IDI2: variants seen among roughly 807,000 people sequenced by gnomAD.
The protein encoded by IDI2 is isopentenyl-diphosphate delta isomerase 2.
Under a neutral mutation model 14.8 loss-of-function variants are expected in IDI2, and 18 were observed. That is an observed-to-expected ratio of 1.22 (90% confidence interval 0.84 to 1.80). The LOEUF (loss-of-function observed/expected upper bound fraction) is 1.80. Ranked by LOEUF, IDI2 falls within the 40% of genes most tolerant of loss-of-function variation. The pLI, the probability that IDI2 is intolerant of heterozygous loss-of-function variation, is 0.00. For synonymous variants in IDI2, 133 were observed against 109.6 expected, an observed-to-expected ratio of 1.21 and a Z score of -1.33; for missense variants, 316 against 283.2, an observed-to-expected ratio of 1.12 and a Z score of -0.83.
At chr10:1,021,723 C>T (rs1832105165) in intron 3 of IDI2, among the ~76,000 whole-genome samples, 1 of 152,192 alleles carries the variant, frequency 6.6e-6, no homozygotes, top group African/African-American at 2.4e-5. Context: ...TTGCATTCAG[C>T]TCCATCAAGG....
chr10:1,022,711 C>A lies in IDI2; in HGVS notation c.207G>T (p.Gln69His). ...GAAACGTGACTTTCGTGTCCGACCT[C>A]TGCTGTATCAGGATTCGATTCTTGG... ...FNTKNRILIQ[Q>H]RSDTKVTFPG... The change falls in exon 3 of 5, where the codon CAG becomes CAT. Residue 69 changes from glutamine (Q) to histidine (H), a missense_variant. Transcript: ENST00000277517. 1 of 1,614,118 alleles carries A rather than the reference C, an allele frequency of 6.2e-7. No individual in the cohort carries two copies. The highest frequency in any genetic ancestry group is 8.5e-7 in the Non-Finnish European group (1 of 1,179,978).
At chr10:1,025,030 A>ATG (rs1832189815) in intron 1 of IDI2, among the ~76,000 whole-genome samples, 1 of 149,624 alleles carries the variant, frequency 6.7e-6, no homozygotes, top group Non-Finnish European at 1.5e-5. Flanking sequence ...ACACACACAC[A>ATG]CACACACACA....
chr10:1,019,386 A>G lies in IDI2; in HGVS notation c.*131T>C. On this transcript the variant is annotated 3_prime_UTR_variant, in exon 5 of 5. Transcript: ENST00000277517. The stretch of plus-strand genomic sequence containing the variant: ...ACAAAGTTGATGAAAAGGTTGAAAT[A>G]GTGATTTATACATGATGGGCAATCA... 1 of 615,678 alleles carries G rather than the reference A, an allele frequency of 1.6e-6. No individual in the cohort carries two copies. Among genetic ancestry groups the G allele is most frequent in the East Asian group, 2.8e-5 (1 of 35,482 alleles). 38.1% of individuals were successfully genotyped at this position (615,678 alleles called of 1,614,324 possible).
In IDI2 at chr10:1,024,709, A is replaced by T. The variant is rs754460737; in HGVS notation, c.15T>A (p.Asn5Lys). The T allele has an allele frequency of 3.1e-6, 5 of 1,614,158 alleles. No homozygotes were observed. The South Asian group carries it at 4.4e-5, about 14-fold the overall frequency. The change falls in exon 2 of 5, where the codon AAT (asparagine) becomes AAA (lysine). Residue 5 changes from asparagine (N) to lysine (K), a missense_variant. Asn to Lys is a moderately conservative substitution (Grantham distance 94). Transcript: ENST00000277517. MSDI[N>K]LDWVDRRQLQ... ...ACTGACGCCTGTCAACCCAGTCAAG[A>T]TTTATGTCAGACATAGCTGCTGGCT... is the stretch of plus-strand genomic sequence containing the variant.
intron 3 of IDI2, among the ~76,000 whole-genome samples, chr10:1,022,458 A>C (rs1453953798): frequency 6.6e-6 from 1 of 152,166 alleles, no homozygotes; most frequent in Non-Finnish European, 1.5e-5. Flanking sequence ...AAACAAAAAA[A>C]CCCAGAAACT....
In IDI2 at chr10:1,019,554, G is replaced by T. The variant is rs1832051573; in HGVS notation, c.647C>A (p.Thr216Asn). 1.2e-6 allele frequency: 2 copies of T among 1,613,658 alleles called. No individual in the cohort carries two copies. Among genetic ancestry groups the T allele is most frequent in the Non-Finnish European group, 1.7e-6 (2 of 1,179,898 alleles). ...TATTTTGTGAAGCTCCACAAACGGGGTCACGTCATCCAGGTGAGGCCACCA... is the reference window on the plus strand; with the variant it reads ...TATTTTGTGAAGCTCCACAAACGGGTTCACGTCATCCAGGTGAGGCCACCA... ...YRWWPHLDDV[T>N]PFVELHKIHR... The change falls in exon 5 of 5, where the codon ACC (threonine) becomes AAC (asparagine). Residue 216 changes from threonine (T) to asparagine (N), a missense_variant. Thr to Asn is a moderately conservative substitution (Grantham distance 65, BLOSUM62 0). Coordinates refer to ENST00000277517, the MANE Select transcript of IDI2 (RefSeq NM_033261.3).
At chr10:1,024,531 G>A (rs1832175785) in intron 2 of IDI2, 51 bp downstream of exon 2, 2 of 1,600,080 alleles carry the variant, frequency 1.2e-6, no homozygotes, top group East Asian at 2.2e-5. Context: ...CGTCGGGTGG[G>A]AAAAATGGGA....
chr10:1,024,559 C>T, intron 2 of IDI2, 23 bp downstream of exon 2: 9 of 1,613,268 alleles, frequency 5.6e-6, no homozygotes, highest in South Asian at 2.2e-5. Context: ...GGGAACTGGA[C>T]AGAGAAAATG....
At chr10:1,019,885 AT>A in intron 4 of IDI2, 51 bp from the exon 5 acceptor site, 1 of 1,254,844 alleles carries the variant, frequency 8.0e-7, no homozygotes, top group African/African-American at 1.5e-5. Context: ...AAAACACAGA[AT>A]TTACAGAAAA....
rs1564476062 is a variant in IDI2 at position 1,024,657 on chromosome 10, C to T, written c.67G>A (p.Val23Ile). ...ATAACCTTATCATTCTCATCCACAACAATCAGCATTTCCTCCAAGCGCTGC... is the reference window on the plus strand; with the variant it reads ...ATAACCTTATCATTCTCATCCACAATAATCAGCATTTCCTCCAAGCGCTGC... ...QLQRLEEMLI[V>I]VDENDKVIGA... is the part of the protein sequence containing the mutation. The change falls in exon 2 of 5, where the codon GTT becomes ATT. Residue 23 changes from valine to isoleucine, a missense_variant. By Grantham distance (29) the Val-to-Ile change is conservative. Coordinates refer to ENST00000277517, the MANE Select transcript of IDI2 (RefSeq NM_033261.3). 1 of 1,614,182 alleles carries T rather than the reference C, an allele frequency of 6.2e-7. No individual in the cohort carries two copies.
intron 4 of IDI2, among the ~76,000 whole-genome samples, chr10:1,020,122 C>T (rs547501566): frequency 1.3e-5 from 2 of 152,308 alleles, no homozygotes; most frequent in East Asian, 1.9e-4. Flanking sequence ...AACCGGCTAG[C>T]GTTGTCAGGA....
chr10:1,021,987 C>T (rs569226924), intron 3 of IDI2, among the ~76,000 whole-genome samples: 5 of 152,264 alleles, frequency 3.3e-5, no homozygotes, highest in South Asian at 4.1e-4. Context: ...TGGCCGGGCC[C>T]GGTGGCTCAC....
At chr10:1,022,002 A>G (rs557184842) in intron 3 of IDI2, among the ~76,000 whole-genome samples, 33 of 152,314 alleles carry the variant, frequency 2.2e-4, no homozygotes, top group African/African-American at 7.2e-4. Flanking sequence ...GCTCACGCCT[A>G]TAATCCCAGC....
chr10:1,024,782 G>T, intron 1 of IDI2, 38 bp from the exon 2 acceptor site: 4 of 1,603,708 alleles, frequency 2.5e-6, no homozygotes, highest in South Asian at 2.2e-5. Flanking sequence ...TTATGTGAAA[G>T]ATATTGCCAT....
rs751306786 is a variant in IDI2, at chr10:1,022,794, T to C, written c.143-19A>G. The C allele has an allele frequency of 2.1e-5, 32 of 1,557,854 alleles. No individual in the cohort carries two copies. The Admixed American group carries it at 5.3e-4, about 26-fold the overall frequency. ...AGCAGCCCTGCAAAGGTAAGTGCCA[T>C]TTGTGTGAGTGCATGCCTGGAGTCT... On this transcript the variant is annotated intron_variant, in intron 2 of 4. Transcript: ENST00000277517.
Position 1,022,699 on chromosome 10 carries a change from C to A in IDI2, c.219G>T (p.Thr73=), listed in dbSNP as rs13377037. 2 of 1,613,364 alleles carry A rather than the reference C, an allele frequency of 1.2e-6. No individual in the cohort carries two copies. Among genetic ancestry groups the A allele is most frequent in the Admixed American group, 3.3e-5 (2 of 60,004 alleles). The change falls in exon 3 of 5, where the codon ACG becomes ACT. Residue 73 remains threonine, a synonymous_variant. Coordinates refer to ENST00000277517, the MANE Select transcript of IDI2 (RefSeq NM_033261.3). Reference sequence around the variant, plus strand: ...CGGACTCACCAGGAAACGTGACTTTCGTGTCCGACCTCTGCTGTATCAGGA... The same window carrying A: ...CGGACTCACCAGGAAACGTGACTTTAGTGTCCGACCTCTGCTGTATCAGGA... ...NRILIQQRSD[T]KVTFPGYFTD... is the part of the protein sequence containing the mutation.
At chr10:1,024,976 T>C (rs1434861956) in intron 1 of IDI2, among the ~76,000 whole-genome samples, 7 of 150,152 alleles carry the variant, frequency 4.7e-5, no homozygotes, top group East Asian at 3.9e-4. Context: ...TTTCCAGGTT[T>C]CCTTTAGTGA....
chr10:1,024,003 C>T (rs1832166531), intron 2 of IDI2, among the ~76,000 whole-genome samples: 1 of 152,088 alleles, frequency 6.6e-6, no homozygotes, highest in Non-Finnish European at 1.5e-5. Context: ...AATAAAATGG[C>T]TTAAGATGGT....
At chr10:1,020,167 G>C (rs1186074927) in intron 4 of IDI2, among the ~76,000 whole-genome samples, 2 of 151,974 alleles carry the variant, frequency 1.3e-5, no homozygotes, top group Non-Finnish European at 2.9e-5. Flanking sequence ...GTTCTTGAGT[G>C]GATGAAGGTA....
Sources: allele counts gnomAD v4.1 joint callset (sites outside exome capture counted in the v4.1 genomes callset), GRCh38; gene constraint gnomAD v4.1.1; transcripts MANE v1.5; gene names NCBI Gene and HGNC (gene_info 2026-07-23, HGNC 2026-07-21).